GBP7: variants seen among roughly 807,000 people sequenced by gnomAD.
The protein encoded by GBP7 is guanylate-binding protein 7.
GBP7 carries 43 observed loss-of-function variants against 61.3 expected under a neutral mutation model. The observed-to-expected ratio is 0.70, with a 90% CI of 0.55 to 0.91. GBP7 has a LOEUF of 0.91. Ranked by LOEUF, GBP7 falls within the 40% of genes least tolerant of loss-of-function variation. The pLI, the probability that GBP7 is intolerant of heterozygous loss-of-function variation, is 0.00. For synonymous variants in GBP7, 267 were observed against 271.0 expected (o/e 0.99, Z 0.14); for missense variants, 717 against 740.5 (o/e 0.97, Z 0.37).
In GBP7 at chr1:89,140,900, C is replaced by T. The variant is rs147470843; in HGVS notation, c.1468+646G>A. Among the ~76,000 whole-genome samples the T allele has an allele frequency of 4.9e-3, 743 of 152,212 alleles. 4 individuals carry two copies. Among genetic ancestry groups the T allele is most frequent in the African/African-American group, 0.017 (688 of 41,522 alleles). On this transcript the variant is annotated intron_variant, in intron 9 of 10. Coordinates refer to ENST00000294671, the MANE Select transcript of GBP7 (RefSeq NM_207398.3). ...GAATGAAATAATGTTCTTTGCAGCA[C>T]TGTGGATGCAGCTGGAGGTCAATAT...
At chr1:89,156,875 C>T (rs1312754021) in intron 3 of GBP7, among the ~76,000 whole-genome samples, 1 of 152,012 alleles carries the variant, frequency 6.6e-6, no homozygotes, top group Non-Finnish European at 1.5e-5. Context: ...CATCAGAGCT[C>T]TCCACCCCAA....
chr1:89,153,685 A>T (rs1682253447), intron 3 of GBP7, among the ~76,000 whole-genome samples: 2 of 152,234 alleles, frequency 1.3e-5, no homozygotes, highest in South Asian at 4.1e-4. Context: ...TGCAACCAAG[A>T]TGATAACTTC....
chr1:89,154,415 G>A (rs1486847044), intron 3 of GBP7, among the ~76,000 whole-genome samples: 1 of 152,000 alleles, frequency 6.6e-6, no homozygotes, highest in Non-Finnish European at 1.5e-5. Context: ...GTGCAATGGT[G>A]CAAACACTAC....
At chr1:89,174,068 G>T (rs559562489) in intron 1 of GBP7, among the ~76,000 whole-genome samples, 1 of 152,134 alleles carries the variant, frequency 6.6e-6, no homozygotes, top group African/African-American at 2.4e-5. Context: ...TCTGTTCATA[G>T]AAAGCTTTTA....
chr1:89,144,076 T>G (rs771535205), intron 8 of GBP7, among the ~76,000 whole-genome samples: 7 of 152,230 alleles, frequency 4.6e-5, no homozygotes, highest in Non-Finnish European at 1.0e-4. Flanking sequence ...CCCGTCTTTA[T>G]GTACATGTGT....
Position 89,152,782 on chromosome 1 carries a change from T to G in GBP7, c.319-5A>C, listed in dbSNP as rs778223449. 6.7e-7 allele frequency: 1 copy of G among 1,502,278 alleles called. No individual in the cohort carries two copies. Among genetic ancestry groups the G allele is most frequent in the South Asian group, 1.3e-5 (1 of 78,524 alleles). The allele number at this position is 1,502,278 out of a possible 1,614,324, so 93.1% of individuals were successfully genotyped here. A position where few individuals can be genotyped will look rare whatever the true frequency, so the allele number is the denominator to read the frequency against. On this transcript the variant is annotated splice_polypyrimidine_tract_variant and splice_region_variant and intron_variant, in intron 3 of 10. Transcript: ENST00000294671. The stretch of plus-strand genomic sequence containing the variant: ...CGAGTCACTCTTAGGGTCACTCTAG[T>G]GTTAAAGAAAAAAAAAAAAAAAATG...
intron 5 of GBP7, among the ~76,000 whole-genome samples, chr1:89,151,989 AT>A (rs1447236604): frequency 2.0e-5 from 3 of 152,216 alleles, no homozygotes; most frequent in Non-Finnish European, 4.4e-5. Context: ...GATAATACTA[AT>A]TGTAATCCTC....
At chr1:89,140,020 T>C (rs1431240628) in intron 9 of GBP7, among the ~76,000 whole-genome samples, 1 of 152,006 alleles carries the variant, frequency 6.6e-6, no homozygotes, top group Non-Finnish European at 1.5e-5. Context: ...CTATTCACAA[T>C]AGCAAAGACT....
At chr1:89,135,675 C>T (rs1557450892) in intron 9 of GBP7, among the ~76,000 whole-genome samples, 1 of 152,154 alleles carries the variant, frequency 6.6e-6, no homozygotes, top group Non-Finnish European at 1.5e-5. Context: ...ACCTGCCTTA[C>T]TCAAGCTGCT....
At chr1:89,160,792 A>G (rs184106788) in intron 3 of GBP7, among the ~76,000 whole-genome samples, 1 of 152,174 alleles carries the variant, frequency 6.6e-6, no homozygotes, top group Non-Finnish European at 1.5e-5. Context: ...TAGAATTAGT[A>G]TGTTTTGGCT....
chr1:89,150,037 C>T (rs555824224), intron 6 of GBP7, among the ~76,000 whole-genome samples: 2 of 152,178 alleles, frequency 1.3e-5, no homozygotes, highest in Non-Finnish European at 2.9e-5. Flanking sequence ...CACTAAAAGA[C>T]TGCACAGGTA....
intron 8 of GBP7, among the ~76,000 whole-genome samples, chr1:89,143,718 G>A (rs932796711): frequency 1.2e-4 from 19 of 152,066 alleles, no homozygotes; most frequent in Non-Finnish European, 1.3e-4. Flanking sequence ...GAGAGAGAGT[G>A]GAGGTGCCAC....
chr1:89,140,328 A>G (rs1681906252), intron 9 of GBP7, among the ~76,000 whole-genome samples: 1 of 150,968 alleles, frequency 6.6e-6, no homozygotes, highest in Non-Finnish European at 1.5e-5. Flanking sequence ...ATTAGGAGAT[A>G]TACCTAATGC....
intron 9 of GBP7, among the ~76,000 whole-genome samples, chr1:89,135,470 A>G (rs924088761): frequency 6.6e-6 from 1 of 152,304 alleles, no homozygotes; most frequent in East Asian, 1.9e-4. Flanking sequence ...TCTTCTACAA[A>G]GGGAATCCCA....
At chr1:89,142,503 GGCCTTCCAAA>G (rs1294332102) in intron 8 of GBP7, among the ~76,000 whole-genome samples, 1 of 152,108 alleles carries the variant, frequency 6.6e-6, no homozygotes, top group African/African-American at 2.4e-5. Context: ...CTCCTACCTT[GGCCTTCCAAA>G]GCGTTGGGAT....
intron 9 of GBP7, among the ~76,000 whole-genome samples, chr1:89,135,695 A>G (rs1177605882): frequency 6.6e-6 from 1 of 152,244 alleles, no homozygotes; most frequent in African/African-American, 2.4e-5. Context: ...TGAAAAGAGC[A>G]TTAAACATGA....
At chr1:89,142,261 A>G (rs764025130) in intron 8 of GBP7, among the ~76,000 whole-genome samples, 6 of 152,122 alleles carry the variant, frequency 3.9e-5, no homozygotes, top group African/African-American at 7.2e-5. Flanking sequence ...CAGTTGAGAA[A>G]CTTTTTTTTC....
At chr1:89,140,642 A>G (rs566016291) in intron 9 of GBP7, among the ~76,000 whole-genome samples, 1 of 152,152 alleles carries the variant, frequency 6.6e-6, no homozygotes, top group Non-Finnish European at 1.5e-5. Flanking sequence ...CAGTTTGGAG[A>G]GTTCTCAAAG....
intron 9 of GBP7, among the ~76,000 whole-genome samples, chr1:89,134,339 G>A (rs943406540): frequency 1.3e-5 from 2 of 152,212 alleles, no homozygotes; most frequent in African/African-American, 4.8e-5. Context: ...CACATGCACA[G>A]AACCTGCAGC....
Sources: gnomAD v4.1 joint callset for allele counts (sites outside exome capture counted in the v4.1 genomes callset) on GRCh38, gnomAD v4.1.1 for gene constraint, MANE v1.5 for transcripts, NCBI Gene and HGNC (gene_info 2026-07-23, HGNC 2026-07-21) for gene names.